BCAS3: variants seen among roughly 807,000 people sequenced by gnomAD.
BCAS3 encodes the protein BCAS3 microtubule associated cell migration factor.
BCAS3 carries 53 observed loss-of-function variants against 116.1 expected under a neutral mutation model. The ratio of observed to expected loss-of-function variants is 0.46; its 90% CI spans 0.37 to 0.57. The LOEUF (loss-of-function observed/expected upper bound fraction) is 0.57. Ranked by LOEUF, BCAS3 falls within the 20% of genes least tolerant of loss-of-function variation. The pLI is 0.00. For synonymous variants in BCAS3, 391 were observed against 408.2 expected (o/e 0.96, Z 0.51); for missense variants, 917 against 1,165.4 (o/e 0.79, Z 3.10).
intron 7 of BCAS3, among the ~76,000 whole-genome samples, chr17:60,837,327 T>G (rs1286012290): frequency 1.3e-5 from 2 of 152,166 alleles, no homozygotes; most frequent in East Asian, 3.8e-4. Flanking sequence ...CTTTATTTAT[T>G]TGGAATTTCC....
At chr17:60,859,380 G>T (rs1004982558) in intron 7 of BCAS3, among the ~76,000 whole-genome samples, 5 of 151,928 alleles carry the variant, frequency 3.3e-5, no homozygotes, top group African/African-American at 9.7e-5. Flanking sequence ...GGTGTCTGTT[G>T]TCCCCTTCCT....
rs1207370117 is a variant in BCAS3 at position 61,200,906 on chromosome 17, T to G, written c.2425+116342T>G. ...GAAATAATAAAAACCCTCATAGGAT[T>G]TTAAAGCCAAGTTAGCAGCCCTGAG... On this transcript the variant is annotated intron_variant, in intron 22 of 23. Coordinates refer to ENST00000407086, the MANE Select transcript of BCAS3 (RefSeq NM_017679.5). This position sits in a 1 kb window ranked among gnomAD's most constrained non-coding sequence, Gnocchi z 5.1. Among the ~76,000 whole-genome samples, 1 of 152,140 alleles carries G rather than the reference T, an allele frequency of 6.6e-6. No homozygotes were observed. The highest frequency in any genetic ancestry group is 2.4e-5 in the African/African-American group (1 of 41,430).
chr17:61,025,857 C>T (rs1203934738), intron 16 of BCAS3, among the ~76,000 whole-genome samples: 2 of 152,078 alleles, frequency 1.3e-5, no homozygotes, highest in African/African-American at 4.8e-5. Flanking sequence ...AAACATTTTT[C>T]TCAAGTTTTG....
At chr17:61,194,089 C>T (rs539354641) in intron 22 of BCAS3, among the ~76,000 whole-genome samples, 2 of 152,042 alleles carry the variant, frequency 1.3e-5, no homozygotes, top group Non-Finnish European at 2.9e-5. Flanking sequence ...TGCACTCCAG[C>T]CTGGGTGACA....
intron 22 of BCAS3, among the ~76,000 whole-genome samples, chr17:61,318,261 T>C (rs979431960): frequency 2.0e-5 from 3 of 152,268 alleles, no homozygotes. Context: ...CTGAGGGTTC[T>C]ACAGGTGACG....
Position 60,880,531 on chromosome 17 carries a change from G to A in BCAS3, c.661+5793G>A, listed in dbSNP as rs757684490. Among the ~76,000 whole-genome samples, 15 of 152,226 alleles carry A rather than the reference G, an allele frequency of 9.9e-5. No individual in the cohort carries two copies. The Middle Eastern group carries it at 0.01, about 104-fold the overall frequency. On this transcript the variant is annotated intron_variant, in intron 9 of 23. Coordinates refer to ENST00000407086, the MANE Select transcript of BCAS3 (RefSeq NM_017679.5). ...TCTTGATCTCTTGACCTCATGATCC[G>A]TCCTCCTTGGCCTCCGAAAGTCCTG...
At chr17:61,170,627 A>G (rs2078791277) in intron 22 of BCAS3, among the ~76,000 whole-genome samples, 2 of 152,212 alleles carry the variant, frequency 1.3e-5, no homozygotes, top group African/African-American at 2.4e-5. Flanking sequence ...ATTGGGTAAC[A>G]GGCAGTTAAG....
chr17:61,370,630 G>A (rs547025704), intron 23 of BCAS3, among the ~76,000 whole-genome samples: 6 of 152,254 alleles, frequency 3.9e-5, no homozygotes, highest in South Asian at 4.1e-4. Flanking sequence ...CTCGTGATCC[G>A]CCTGCCTCGG....
chr17:61,045,965 A>AAT (rs1348664860), intron 19 of BCAS3, among the ~76,000 whole-genome samples: 6 of 10,634 alleles, frequency 5.6e-4, no homozygotes, highest in East Asian at 6.8e-3. Context: ...ATATATATAT[A>AAT]ATATATATAT....
chr17:61,248,449 G>T lies in BCAS3; in HGVS notation c.2426-119878G>T, dbSNP rs2048140932. ...TCAGGTCTTTCAAAGAAAACAACTC[G>T]TAAAGATACTGGCAGTTGAAGGTCT... On this transcript the variant is annotated intron_variant, in intron 22 of 23. Coordinates refer to ENST00000407086, the MANE Select transcript of BCAS3 (RefSeq NM_017679.5). The surrounding 1 kb of genome is among the most constrained non-coding windows in gnomAD (Gnocchi z 4.3). Among the ~76,000 whole-genome samples, 3 of 152,148 alleles carry T rather than the reference G, an allele frequency of 2.0e-5. No individual in the cohort carries two copies. Among genetic ancestry groups the T allele is most frequent in the African/African-American group, 7.2e-5 (3 of 41,428 alleles).
At chr17:60,935,297 T>C (rs1438768154) in intron 13 of BCAS3, among the ~76,000 whole-genome samples, 1 of 152,140 alleles carries the variant, frequency 6.6e-6, no homozygotes, top group African/African-American at 2.4e-5. Flanking sequence ...TAATATAGTT[T>C]TAAGAGTACA....
chr17:61,075,037 T>C lies in BCAS3; in HGVS notation c.2130+17T>C, dbSNP rs1265983818. ...CTTTCCCAGGTAAAACTCTGAAATATTGAGAGTATTAAAGTAAAATAAAAC... is the reference window on the plus strand; with the variant it reads ...CTTTCCCAGGTAAAACTCTGAAATACTGAGAGTATTAAAGTAAAATAAAAC... On this transcript the variant is annotated intron_variant, in intron 20 of 23. Transcript: ENST00000407086. The C allele has an allele frequency of 2.2e-5, 34 of 1,565,704 alleles. No homozygotes were observed. The highest frequency in any genetic ancestry group is 2.5e-5 in the Non-Finnish European group (28 of 1,138,660).
At chr17:60,928,713 G>A (rs2059489187) in intron 13 of BCAS3, among the ~76,000 whole-genome samples, 1 of 152,162 alleles carries the variant, frequency 6.6e-6, no homozygotes, top group South Asian at 2.1e-4. Flanking sequence ...GTGGAAGTCT[G>A]GATTTTTTCC....
At position 60,693,555 on chromosome 17, in the gene BCAS3, C is replaced by T. The variant is rs569656488; in HGVS notation, c.214+3794C>T. On this transcript the variant is annotated intron_variant, in intron 4 of 23. Transcript: ENST00000407086. ...TCAGCCTCCTTAGTAGCTTGGACCA[C>T]AGGCATGTACCACTATGCCTGGCTA... is the stretch of plus-strand genomic sequence containing the variant. Among the ~76,000 whole-genome samples, 247 of 151,700 alleles carry T rather than the reference C, an allele frequency of 1.6e-3. 2 individuals are homozygous for T. Among genetic ancestry groups the T allele is most frequent in the Non-Finnish European group, 2.3e-3 (158 of 68,006 alleles).
At chr17:60,926,844 G>A (rs1345435753) in intron 13 of BCAS3, among the ~76,000 whole-genome samples, 1 of 152,116 alleles carries the variant, frequency 6.6e-6, no homozygotes, top group Non-Finnish European at 1.5e-5. Context: ...TCATAATTTT[G>A]ATCTACATTT....
intron 15 of BCAS3, among the ~76,000 whole-genome samples, chr17:61,014,376 C>T (rs2065302589): frequency 6.6e-6 from 1 of 152,024 alleles, no homozygotes; most frequent in East Asian, 1.9e-4. Flanking sequence ...AGGCTACACA[C>T]ATAGATCAAT....
intron 14 of BCAS3, among the ~76,000 whole-genome samples, chr17:60,976,977 C>T (rs748680702): frequency 2.0e-5 from 3 of 152,116 alleles, no homozygotes; most frequent in African/African-American, 7.2e-5. Context: ...GGGGTGGTGG[C>T]CGGACAGAGG....
Position 61,362,392 on chromosome 17 carries a change from C to T in BCAS3, c.2426-5935C>T, listed in dbSNP as rs2058496557. On this transcript the variant is annotated intron_variant, in intron 22 of 23. Transcript: ENST00000407086. The surrounding 1 kb of genome is among the most constrained non-coding windows in gnomAD (Gnocchi z 4.4). ...GGTGGTTAGAAATCTGATCAGCAGG[C>T]TCTCAGCAAAATCCAAACCTGGGCA... 6.6e-6 allele frequency among the ~76,000 whole-genome samples: 1 copy of T among 152,224 alleles called. No individual in the cohort carries two copies.
chr17:60,702,714 G>A (rs577115323), intron 4 of BCAS3, among the ~76,000 whole-genome samples: 2 of 152,070 alleles, frequency 1.3e-5, no homozygotes, highest in South Asian at 2.1e-4. Flanking sequence ...CTCAGCCTCC[G>A]AAGTAACTGG....
Sources: allele counts gnomAD v4.1 joint callset (sites outside exome capture counted in the v4.1 genomes callset), GRCh38; gene constraint gnomAD v4.1.1; non-coding constraint Gnocchi (gnomAD v3.1); transcripts MANE v1.5; gene names NCBI Gene and HGNC (gene_info 2026-07-23, HGNC 2026-07-21).